NXN: variants seen among roughly 807,000 people sequenced by gnomAD.
NXN encodes the protein nucleoredoxin.
A neutral mutation model predicts 48.6 loss-of-function variants in NXN; 16 were observed. That is an observed-to-expected ratio of 0.33 (90% CI 0.22 to 0.50). The LOEUF (loss-of-function observed/expected upper bound fraction) is 0.50, where lower values mean the gene tolerates loss of function less well. Ranked by LOEUF, NXN falls within the 20% of genes least tolerant of loss-of-function variation. The probability of loss-of-function intolerance (pLI) is 0.98; values close to 1 mark genes in which losing one functional copy is unlikely to be tolerated. For missense variants in NXN, 492 were observed against 605.5 expected, an observed-to-expected ratio of 0.81 and a Z score of 1.97; for synonymous variants, 281 against 269.6, an observed-to-expected ratio of 1.04 and a Z score of -0.41.
intron 1 of NXN, among the ~76,000 whole-genome samples, chr17:883,389 T>C (rs2068306542): frequency 6.9e-6 from 1 of 145,958 alleles, no homozygotes; most frequent in Non-Finnish European, 1.5e-5. Context: ...AGCTGCTCAC[T>C]GGCTGTTGTC....
intron 5 of NXN, among the ~76,000 whole-genome samples, chr17:812,818 G>A (rs1276265169): frequency 6.6e-6 from 1 of 151,366 alleles, no homozygotes. Context: ...GTAGGTGTGT[G>A]TGCGAGTGTG....
chr17:842,648 A>C, intron 1 of NXN: 2 of 811,206 alleles, frequency 2.5e-6, no homozygotes, highest in Non-Finnish European at 3.0e-6. Flanking sequence ...CAGAAAGTGC[A>C]CCTTCAGGGC....
chr17:839,950 A>G (rs1914050655), intron 1 of NXN, among the ~76,000 whole-genome samples: 1 of 151,886 alleles, frequency 6.6e-6, no homozygotes, highest in Non-Finnish European at 1.5e-5. Flanking sequence ...TACAACAATT[A>G]GCTGGGCAAG....
intron 1 of NXN, among the ~76,000 whole-genome samples, chr17:970,922 G>C (rs1273350223): frequency 2.6e-5 from 4 of 151,220 alleles, no homozygotes; most frequent in Non-Finnish European, 5.9e-5. Flanking sequence ...AGCATGGCAT[G>C]ACAGGTCTGC....
intron 1 of NXN, among the ~76,000 whole-genome samples, chr17:945,679 A>G (rs2069035548): frequency 6.6e-6 from 1 of 152,018 alleles, no homozygotes; most frequent in African/African-American, 2.4e-5. Flanking sequence ...TAGATGTTAA[A>G]CATCACAAAG....
intron 1 of NXN, among the ~76,000 whole-genome samples, chr17:940,909 C>A (rs1359902991): frequency 6.7e-6 from 1 of 149,134 alleles, no homozygotes; most frequent in Non-Finnish European, 1.5e-5. Flanking sequence ...TTACAGTGAA[C>A]AAGATTCCAG....
intron 1 of NXN, among the ~76,000 whole-genome samples, chr17:929,266 C>T (rs574876598): frequency 2.4e-4 from 37 of 152,360 alleles, no homozygotes; most frequent in African/African-American, 8.7e-4. Flanking sequence ...CCAGGCCACT[C>T]GCTTCACCTG....
chr17:896,767 C>A (rs1356930205), intron 1 of NXN: 2 of 835,144 alleles, frequency 2.4e-6, no homozygotes, highest in Non-Finnish European at 3.0e-6. Context: ...ACCTTCTCCT[C>A]GACTTCAAAG....
chr17:850,251 G>A (rs901181632), intron 1 of NXN, among the ~76,000 whole-genome samples: 1 of 152,108 alleles, frequency 6.6e-6, no homozygotes, highest in East Asian at 1.9e-4. Flanking sequence ...TTCCCCACGA[G>A]CCCCAGGGCC....
intron 1 of NXN, among the ~76,000 whole-genome samples, chr17:901,167 C>T (rs1015380820): frequency 6.6e-6 from 1 of 151,988 alleles, no homozygotes; most frequent in Admixed American, 6.6e-5. Context: ...TTGATCTGCC[C>T]GCCTCGGCCT....
intron 1 of NXN, among the ~76,000 whole-genome samples, chr17:848,336 C>T (rs1357919275): frequency 6.6e-6 from 1 of 152,134 alleles, no homozygotes; most frequent in Non-Finnish European, 1.5e-5. Context: ...GACAGGGTTT[C>T]ACCATGTTGG....
intron 1 of NXN, among the ~76,000 whole-genome samples, chr17:883,526 C>G (rs1597692029): frequency 6.6e-6 from 1 of 152,358 alleles, no homozygotes; most frequent in East Asian, 1.9e-4. Flanking sequence ...CAAAAACATG[C>G]CAGGCTAAGA....
At chr17:871,103 C>T (rs933798839) in intron 1 of NXN, among the ~76,000 whole-genome samples, 5 of 151,960 alleles carry the variant, frequency 3.3e-5, no homozygotes, top group East Asian at 2.0e-4. Context: ...CCTCGTGATC[C>T]GCCCACCTCG....
rs987971225 is a variant in NXN, at chr17:920,336, C to T, written c.360+58983G>A. 1.2e-4 allele frequency among the ~76,000 whole-genome samples: 18 copies of T among 152,144 alleles called. No homozygotes were observed. The highest frequency in any genetic ancestry group is 4.1e-4 in the African/African-American group (17 of 41,442). On this transcript the variant is annotated intron_variant, in intron 1 of 7. Transcript: ENST00000336868. The surrounding 1 kb of genome is among the most constrained non-coding windows in gnomAD (Gnocchi z 4.6). ...ATTGTTCAAATTCAGCCAAGGGGGC[C>T]GATGAGGTGCCCATGTGGCTCTCCT...
intron 1 of NXN, among the ~76,000 whole-genome samples, chr17:922,244 C>A (rs945045867): frequency 2.0e-5 from 3 of 152,058 alleles, no homozygotes; most frequent in Non-Finnish European, 2.9e-5. Context: ...GAGTTTGAGA[C>A]CAGCCTGGCC....
rs192465708 is a variant in NXN, at chr17:954,880, A to T, written c.360+24439T>A. 5.3e-5 allele frequency among the ~76,000 whole-genome samples: 8 copies of T among 152,312 alleles called. No homozygotes were observed. The East Asian group carries it at 1.5e-3, about 29-fold the overall frequency. On this transcript the variant is annotated intron_variant, in intron 1 of 7. Transcript: ENST00000336868. ...CCTTTCTTTACATTGCACATATTTC[A>T]GCGCTGGTATTCCCCCTCTTAAGAG...
At chr17:862,600 G>A (rs2068052320) in intron 1 of NXN, among the ~76,000 whole-genome samples, 1 of 152,218 alleles carries the variant, frequency 6.6e-6, no homozygotes, top group African/African-American at 2.4e-5. Context: ...ACAAGTTACT[G>A]GGAGGAGAAC....
rs570766503 is a variant in NXN, at chr17:812,926, G to A, written c.820+6513C>T. 2.5e-4 allele frequency among the ~76,000 whole-genome samples: 38 copies of A among 150,870 alleles called. 1 individual carries two copies. The Middle Eastern group carries it at 0.034, about 137-fold the overall frequency. On this transcript the variant is annotated intron_variant, in intron 5 of 7. Transcript: ENST00000336868. ...TGCATGTGTGACTGTAGGTGTGTGC[G>A]TGTGTGAGTGTGCATATGTGTGAGT...
At chr17:831,554 G>A (rs115117587) in intron 1 of NXN, among the ~76,000 whole-genome samples, 2,967 of 151,594 alleles carry the variant, frequency 0.02, 114 homozygotes, top group African/African-American at 0.066. Context: ...TGCAACCTCC[G>A]CTCACTGCAA....
Sources: allele counts gnomAD v4.1 joint callset (sites outside exome capture counted in the v4.1 genomes callset), GRCh38; gene constraint gnomAD v4.1.1; non-coding constraint Gnocchi (gnomAD v3.1); transcripts MANE v1.5; gene names NCBI Gene and HGNC (gene_info 2026-07-23, HGNC 2026-07-21).